DTD1: variants seen among roughly 807,000 people sequenced by gnomAD.
DTD1 encodes the protein D-aminoacyl-tRNA deacylase 1, also known as D-tyrosyl-tRNA deacylase 1 homolog.
DTD1 carries 13 observed loss-of-function variants against 25.6 expected under a neutral mutation model. The ratio of observed to expected loss-of-function variants is 0.51; its 90% CI spans 0.33 to 0.81. DTD1 has a LOEUF of 0.81. DTD1 is among the 30% of genes least tolerant of loss of function. DTD1 has a pLI of 0.02. For synonymous variants in DTD1, 110 were observed against 103.6 expected, an observed-to-expected ratio of 1.06 and a Z score of -0.37; for missense variants, 193 against 266.4, an observed-to-expected ratio of 0.72 and a Z score of 1.92.
intron 4 of DTD1, among the ~76,000 whole-genome samples, chr20:18,660,206 C>CA (rs894884591): frequency 1.3e-5 from 2 of 150,756 alleles, no homozygotes; most frequent in Admixed American, 6.6e-5. Context: ...GACTCCGTCT[C>CA]AAAAAAAAAG....
chr20:18,759,252 G>A (rs2061351558), intron 5 of DTD1, among the ~76,000 whole-genome samples: 2 of 152,112 alleles, frequency 1.3e-5, no homozygotes, highest in South Asian at 4.1e-4. Flanking sequence ...CGTTAATATT[G>A]TTATGTGTGA....
chr20:18,649,308 T>G (rs1442852695), intron 4 of DTD1, among the ~76,000 whole-genome samples: 1 of 144,592 alleles, frequency 6.9e-6, no homozygotes, highest in Admixed American at 7.0e-5. Flanking sequence ...TGATGGGCTT[T>G]CTCAGCCATT....
intron 5 of DTD1, among the ~76,000 whole-genome samples, chr20:18,757,209 A>T (rs1236884499): frequency 6.6e-6 from 1 of 152,224 alleles, no homozygotes; most frequent in African/African-American, 2.4e-5. Context: ...AATTCATGTC[A>T]TCTGCAAACA....
chr20:18,648,995 CAAAAAAAA>C (rs57780175), intron 4 of DTD1, among the ~76,000 whole-genome samples: 1,107 of 56,342 alleles, frequency 0.02, 21 homozygotes, highest in African/African-American at 0.073. Context: ...GACTCCATCT[CAAAAAAAA>C]AAAAAAAAAA....
chr20:18,668,624 G>GC (rs1226629514), intron 4 of DTD1, among the ~76,000 whole-genome samples: 1 of 152,084 alleles, frequency 6.6e-6, no homozygotes, highest in African/African-American at 2.4e-5. Flanking sequence ...AGTGGTCAGG[G>GC]GATAGAGACT....
chr20:18,629,247 C>T (rs6081258), intron 4 of DTD1, among the ~76,000 whole-genome samples: 74,667 of 147,082 alleles, frequency 0.51, 19,407 homozygotes, highest in Middle Eastern at 0.56. Flanking sequence ...CTGCCTGCCA[C>T]GGCCTCCCAA....
intron 4 of DTD1, among the ~76,000 whole-genome samples, chr20:18,725,612 T>C (rs1443644779): frequency 6.6e-6 from 1 of 152,182 alleles, no homozygotes; most frequent in Non-Finnish European, 1.5e-5. Context: ...GGTGCTCCAC[T>C]CGTTTTTTGC....
At chr20:18,696,531 C>T (rs368526666) in intron 4 of DTD1, among the ~76,000 whole-genome samples, 2 of 152,072 alleles carry the variant, frequency 1.3e-5, no homozygotes, top group African/African-American at 4.8e-5. Flanking sequence ...TCACTATGCT[C>T]ACAGGTGAAC....
chr20:18,661,638 T>C (rs1400076237), intron 4 of DTD1, among the ~76,000 whole-genome samples: 3 of 152,210 alleles, frequency 2.0e-5, no homozygotes, highest in Non-Finnish European at 4.4e-5. Flanking sequence ...CCCAAAGTGC[T>C]GGGATTAGAG....
chr20:18,765,240 G>C lies in DTD1; in HGVS notation c.*1900G>C, dbSNP rs2061375928. 6.6e-6 allele frequency: 1 copy of C among 152,276 alleles called. No individual in the cohort carries two copies. The highest frequency in any genetic ancestry group is 2.4e-5 in the African/African-American group (1 of 41,462). 9.4% of individuals were successfully genotyped at this position (152,276 alleles called of 1,614,324 possible). On this transcript the variant is annotated 3_prime_UTR_variant, in exon 6 of 6. Transcript: ENST00000377452. ...GAACTCTAAATGTTTGAAAGATGTGGAAGAGAAGCTGGGTCAGGAACAAAA... is the reference window on the plus strand; with the variant it reads ...GAACTCTAAATGTTTGAAAGATGTGCAAGAGAAGCTGGGTCAGGAACAAAA...
At chr20:18,591,447 T>C (rs1165997725) in intron 1 of DTD1, among the ~76,000 whole-genome samples, 1 of 152,160 alleles carries the variant, frequency 6.6e-6, no homozygotes, top group African/African-American at 2.4e-5. Flanking sequence ...ATGAGCTGAA[T>C]CTATTAAAAG....
At chr20:18,596,541 A>G (rs933642114) in intron 3 of DTD1, among the ~76,000 whole-genome samples, 1 of 152,216 alleles carries the variant, frequency 6.6e-6, no homozygotes. Context: ...AGCCCTGTCC[A>G]ATAGAAGTAT....
At chr20:18,701,557 A>G (rs1449441428) in intron 4 of DTD1, among the ~76,000 whole-genome samples, 2 of 152,218 alleles carry the variant, frequency 1.3e-5, no homozygotes, top group Non-Finnish European at 2.9e-5. Context: ...TGTGGAGGAC[A>G]AGGGACATCC....
intron 4 of DTD1, among the ~76,000 whole-genome samples, chr20:18,660,003 G>A (rs1336405520): frequency 2.0e-5 from 3 of 152,126 alleles, no homozygotes; most frequent in African/African-American, 7.2e-5. Flanking sequence ...GGAGGCCGAA[G>A]TGGTGGATCA....
intron 3 of DTD1, 29 bp from the exon 4 acceptor site, chr20:18,628,098 T>C (rs1485850365): frequency 6.3e-7 from 1 of 1,596,996 alleles, no homozygotes; most frequent in East Asian, 2.2e-5. Flanking sequence ...TGTCTCCATC[T>C]TTGGTAACTG....
intron 3 of DTD1, among the ~76,000 whole-genome samples, chr20:18,612,766 C>T (rs890847761): frequency 6.6e-6 from 1 of 152,116 alleles, no homozygotes; most frequent in African/African-American, 2.4e-5. Context: ...TCAAGCGATT[C>T]TCCTGCCTCA....
chr20:18,676,846 G>A (rs928494046), intron 4 of DTD1, among the ~76,000 whole-genome samples: 2 of 152,148 alleles, frequency 1.3e-5, no homozygotes, highest in African/African-American at 2.4e-5. Context: ...TTGTGCATGC[G>A]CTGGAGTAAT....
Position 18,607,050 on chromosome 20 carries a change from TG to T in DTD1, c.370+10810del, listed in dbSNP as rs1370492320. Among the ~76,000 whole-genome samples the T allele has an allele frequency of 2.6e-5, 4 of 152,320 alleles. No individual in the cohort carries two copies. The East Asian group carries it at 5.8e-4, about 22-fold the overall frequency. On this transcript the variant is annotated intron_variant, in intron 3 of 5. Transcript: ENST00000377452. ...TGTGATTTTTCTTCTTTAGCTTGATTGATTAATTGATTTTTGAGTTGAACCA... is the reference window on the plus strand; with the variant it reads ...TGTGATTTTTCTTCTTTAGCTTGATTATTAATTGATTTTTGAGTTGAACCA...
In DTD1 at chr20:18,661,371, C is replaced by CTTTT. The variant is rs565601536; in HGVS notation, c.477+33153_477+33156dup. On this transcript the variant is annotated intron_variant, in intron 4 of 5. Transcript: ENST00000377452. ...TTTTTACTGTGTTGAGTCTTCTAGT[C>CTTTT]TTTTTTTTTTTTTTTTTTGGGACAG... 2.4e-3 allele frequency among the ~76,000 whole-genome samples: 288 copies of CTTTT among 120,176 alleles called. 9 individuals carry two copies. The highest frequency in any genetic ancestry group is 3.3e-3 in the African/African-American group (107 of 32,360). The allele number at this position is 120,176 out of a possible 152,430, so 78.8% of individuals were successfully genotyped here. A position where few individuals can be genotyped will look rare whatever the true frequency, so the allele number is the denominator to read the frequency against.
Sources: allele counts gnomAD v4.1 joint callset (sites outside exome capture counted in the v4.1 genomes callset), GRCh38; gene constraint gnomAD v4.1.1; transcripts MANE v1.5; gene names NCBI Gene and HGNC (gene_info 2026-07-23, HGNC 2026-07-21).